The following SVOPL variants were observed in gnomAD, a reference collection of about 807,000 sequenced individuals.
The protein encoded by SVOPL is SVOP like, also known as putative transporter SVOPL.
SVOPL carries 60 observed loss-of-function variants against 61.0 expected under a neutral mutation model. The ratio of observed to expected loss-of-function variants is 0.98; its 90% CI spans 0.80 to 1.22. The LOEUF (loss-of-function observed/expected upper bound fraction) is 1.22. Among genes scored for constraint, SVOPL ranks in the 50% most tolerant of loss-of-function variants. The pLI is 0.00. For synonymous variants in SVOPL, 279 were observed against 250.0 expected, an observed-to-expected ratio of 1.12 and a Z score of -1.09; for missense variants, 662 against 643.9, an observed-to-expected ratio of 1.03 and a Z score of -0.30.
intron 4 of SVOPL, among the ~76,000 whole-genome samples, chr7:138,670,465 C>A (rs1002002940): frequency 6.6e-6 from 1 of 152,246 alleles, no homozygotes; most frequent in African/African-American, 2.4e-5. Flanking sequence ...GCATTTTTGA[C>A]AACGGGATGA....
At chr7:138,599,195 A>T (rs1247316427) in intron 14 of SVOPL, among the ~76,000 whole-genome samples, 1 of 151,936 alleles carries the variant, frequency 6.6e-6, no homozygotes, top group African/African-American at 2.4e-5. Flanking sequence ...CAAAAGACAA[A>T]TTACAACAAA....
At chr7:138,661,706 A>T in intron 5 of SVOPL, 5 of 880,262 alleles carry the variant, frequency 5.7e-6, no homozygotes, top group Non-Finnish European at 6.8e-6. Context: ...ATTATTAGTA[A>T]ATAACTTAGG....
intron 14 of SVOPL, among the ~76,000 whole-genome samples, chr7:138,617,154 G>C (rs1799336141): frequency 6.6e-6 from 1 of 152,062 alleles, no homozygotes; most frequent in Admixed American, 6.5e-5. Context: ...ATTTTTAGTA[G>C]AGACGAGGTT....
At chr7:138,660,659 G>C in intron 5 of SVOPL, 1 of 985,352 alleles carries the variant, frequency 1.0e-6, no homozygotes, top group Non-Finnish European at 1.2e-6. Context: ...TACATAAGTC[G>C]TTATGCCCTC....
At chr7:138,632,988 GT>G (rs1233103882) in intron 9 of SVOPL, among the ~76,000 whole-genome samples, 11 of 152,132 alleles carry the variant, frequency 7.2e-5, no homozygotes, top group Non-Finnish European at 1.6e-4. Flanking sequence ...TAAAGATTAT[GT>G]TGTAGTCTCT....
rs148326720 is a variant in SVOPL, at chr7:138,620,090, G to GT, written c.1353+955dup. Among the ~76,000 whole-genome samples, 1,031 of 120,242 alleles carry GT rather than the reference G, an allele frequency of 8.6e-3. 14 individuals are homozygous for GT. The highest frequency in any genetic ancestry group is 0.029 in the African/African-American group (934 of 32,058). 78.9% of individuals were successfully genotyped at this position (120,242 alleles called of 152,430 possible). A position where few individuals can be genotyped will look rare whatever the true frequency, so the allele number is the denominator to read the frequency against. ...CTACAGCCAGGTCATGTGGATTTCT[G>GT]TTTTTTTTTTCTTTTTTGTTTTTTT... On this transcript the variant is annotated intron_variant, in intron 14 of 15. Coordinates refer to ENST00000674285, the MANE Select transcript of SVOPL (RefSeq NM_001139456.2).
intron 1 of SVOPL, among the ~76,000 whole-genome samples, chr7:138,694,805 C>A (rs751124234): frequency 2.6e-5 from 4 of 152,012 alleles, no homozygotes; most frequent in Non-Finnish European, 5.9e-5. Context: ...GTGCAATGGT[C>A]TTGGCTCACT....
chr7:138,596,936 C>T, intron 14 of SVOPL: 6 of 1,118,250 alleles, frequency 5.4e-6, no homozygotes, highest in Non-Finnish European at 6.6e-6. Context: ...CTCTTCAGTC[C>T]TGACAGCATG....
chr7:138,660,793 AATATT>A, intron 5 of SVOPL: 1 of 977,678 alleles, frequency 1.0e-6, no homozygotes, highest in African/African-American at 1.8e-5. Flanking sequence ...AGGGTTTAAT[AATATT>A]ATATAATAAT....
At chr7:138,631,142 T>C (rs912024567) in intron 9 of SVOPL, among the ~76,000 whole-genome samples, 4 of 152,154 alleles carry the variant, frequency 2.6e-5, no homozygotes, top group Admixed American at 2.0e-4. Flanking sequence ...TAGATTTTGT[T>C]GTCACAGAAA....
chr7:138,626,800 C>T (rs573184560), intron 12 of SVOPL, among the ~76,000 whole-genome samples: 3 of 151,686 alleles, frequency 2.0e-5, no homozygotes, highest in Non-Finnish European at 4.4e-5. Context: ...GAGCTGAGAT[C>T]GCACCACTGC....
chr7:138,597,210 G>T (rs766751543), intron 14 of SVOPL: 1 of 1,289,310 alleles, frequency 7.8e-7, no homozygotes, highest in South Asian at 1.2e-5. Context: ...ATCTCACAAC[G>T]ACAGTAAAGT....
At chr7:138,638,425 CTT>C (rs1254343824) in intron 9 of SVOPL, among the ~76,000 whole-genome samples, 3 of 151,218 alleles carry the variant, frequency 2.0e-5, no homozygotes, top group African/African-American at 7.3e-5. Flanking sequence ...TTTAGAAAAA[CTT>C]ATGAACAAAG....
rs950084941 is a variant in SVOPL, at chr7:138,626,167, G to A, written c.1182-117C>T. On this transcript the variant is annotated intron_variant, in intron 12 of 15. Transcript: ENST00000674285. The stretch of plus-strand genomic sequence containing the variant: ...TACAATCACAGATAACTCAGAACCC[G>A]AGGGAGGTGCTGCTTCTCAGCTGGC... 120 of 982,818 alleles carry A rather than the reference G, an allele frequency of 1.2e-4. 1 individual carries two copies. The highest frequency in any genetic ancestry group is 2.7e-4 in the Middle Eastern group (1 of 3,648). 60.9% of individuals were successfully genotyped at this position (982,818 alleles called of 1,614,324 possible).
intron 1 of SVOPL, among the ~76,000 whole-genome samples, chr7:138,699,443 A>T (rs75534693): frequency 2.0e-5 from 3 of 151,980 alleles, no homozygotes; most frequent in Admixed American, 1.3e-4. Flanking sequence ...TTACCCAAAG[A>T]GGGGAGGAAA....
At chr7:138,665,910 T>C (rs1160084205) in intron 4 of SVOPL, among the ~76,000 whole-genome samples, 1 of 152,130 alleles carries the variant, frequency 6.6e-6, no homozygotes, top group Non-Finnish European at 1.5e-5. Flanking sequence ...ACAAAAACTG[T>C]AATAAGGACT....
intron 7 of SVOPL, among the ~76,000 whole-genome samples, chr7:138,654,496 G>C (rs917969962): frequency 2.9e-5 from 2 of 69,708 alleles, no homozygotes; most frequent in African/African-American, 4.6e-5. Context: ...GGTTTACTGA[G>C]TTTGTTTTTT....
intron 1 of SVOPL, among the ~76,000 whole-genome samples, chr7:138,681,742 G>A (rs774682182): frequency 6.6e-6 from 1 of 152,162 alleles, no homozygotes; most frequent in Non-Finnish European, 1.5e-5. Context: ...AGAATTGCTT[G>A]AACCCAGGAG....
At chr7:138,636,224 G>C (rs138787357) in intron 9 of SVOPL, among the ~76,000 whole-genome samples, 1 of 152,062 alleles carries the variant, frequency 6.6e-6, no homozygotes, top group South Asian at 2.1e-4. Flanking sequence ...CACTGGGCCC[G>C]GCTGAAAAAT....
Sources: gnomAD v4.1 joint callset for allele counts (sites outside exome capture counted in the v4.1 genomes callset) on GRCh38, gnomAD v4.1.1 for gene constraint, MANE v1.5 for transcripts, NCBI Gene and HGNC (gene_info 2026-07-23, HGNC 2026-07-21) for gene names.